Variants in SPSB4 observed in about 807,000 individuals in gnomAD.
SPSB4 encodes the protein SPRY domain-containing SOCS box protein 4.
Under a neutral mutation model 20.9 loss-of-function variants are expected in SPSB4, and 21 were observed. The observed-to-expected ratio is 1.01, with a 90% CI of 0.71 to 1.45. The LOEUF (loss-of-function observed/expected upper bound fraction) is 1.45. SPSB4 is among the 40% of genes most tolerant of loss of function. SPSB4 has a pLI of 0.00. For missense variants in SPSB4, 399 were observed against 399.2 expected (o/e 1.00, Z 0.00); for synonymous variants, 207 against 183.8 (o/e 1.13, Z -1.02).
chr3:141,075,347 G>A (rs991158142), intron 2 of SPSB4, among the ~76,000 whole-genome samples: 15 of 152,100 alleles, frequency 9.9e-5, no homozygotes, highest in Non-Finnish European at 2.1e-4. Flanking sequence ...TGTCCTGGCC[G>A]CCGCTCAGAC....
At chr3:141,060,226 T>C (rs957383698) in intron 1 of SPSB4, among the ~76,000 whole-genome samples, 1 of 152,132 alleles carries the variant, frequency 6.6e-6, no homozygotes, top group Non-Finnish European at 1.5e-5. Flanking sequence ...CAAGTACTAG[T>C]AAGAGGTCTT....
At chr3:141,058,060 C>T (rs893445554) in intron 1 of SPSB4, among the ~76,000 whole-genome samples, 7 of 152,268 alleles carry the variant, frequency 4.6e-5, no homozygotes, top group Admixed American at 2.6e-4. Flanking sequence ...CCAGCAAGTC[C>T]AAAGCCAGAG....
intron 1 of SPSB4, among the ~76,000 whole-genome samples, chr3:141,052,836 C>T (rs998718792): frequency 6.6e-6 from 1 of 152,190 alleles, no homozygotes; most frequent in African/African-American, 2.4e-5. Flanking sequence ...CCGCCCTGGT[C>T]GCTCTGTACG....
At chr3:141,071,237 T>A (rs1937996134) in intron 2 of SPSB4, among the ~76,000 whole-genome samples, 1 of 152,198 alleles carries the variant, frequency 6.6e-6, no homozygotes, top group African/African-American at 2.4e-5. Flanking sequence ...TTTCTGGAAT[T>A]GCTCCGTGGC....
At chr3:141,055,257 G>A (rs562581984) in intron 1 of SPSB4, among the ~76,000 whole-genome samples, 2 of 152,260 alleles carry the variant, frequency 1.3e-5, no homozygotes, top group South Asian at 2.1e-4. Context: ...GTAGTGGGCT[G>A]AGGGGCTGCC....
At chr3:141,093,198 T>G (rs558331383) in intron 2 of SPSB4, among the ~76,000 whole-genome samples, 72 of 152,140 alleles carry the variant, frequency 4.7e-4, no homozygotes, top group South Asian at 2.3e-3. Flanking sequence ...TGGTTCTCTT[T>G]CATAAGAGAG....
chr3:141,112,432 T>A (rs868712767), intron 2 of SPSB4, among the ~76,000 whole-genome samples: 23 of 150,774 alleles, frequency 1.5e-4, no homozygotes, highest in Middle Eastern at 3.4e-3. Flanking sequence ...GATCACGAGG[T>A]CAGGAGATCG....
At chr3:141,108,855 C>T (rs575183510) in intron 2 of SPSB4, among the ~76,000 whole-genome samples, 28 of 152,296 alleles carry the variant, frequency 1.8e-4, no homozygotes, top group African/African-American at 6.3e-4. Flanking sequence ...CCGAAAGCAG[C>T]ATTTCAGGGG....
intron 2 of SPSB4, among the ~76,000 whole-genome samples, chr3:141,121,221 A>G (rs1343120035): frequency 6.6e-6 from 1 of 152,168 alleles, no homozygotes; most frequent in African/African-American, 2.4e-5. Flanking sequence ...CTTTTCTTTA[A>G]GAATGTTGAA....
intron 2 of SPSB4, among the ~76,000 whole-genome samples, chr3:141,136,367 T>G (rs1309054561): frequency 3.3e-5 from 5 of 152,090 alleles, no homozygotes; most frequent in African/African-American, 4.8e-5. Flanking sequence ...GTCAATTTTG[T>G]CTTTTGTTGC....
At chr3:141,055,846 G>A (rs1559836214) in intron 1 of SPSB4, among the ~76,000 whole-genome samples, 1 of 152,188 alleles carries the variant, frequency 6.6e-6, no homozygotes, top group Non-Finnish European at 1.5e-5. Context: ...ATGGAAAGAG[G>A]TCAGCTGGCC....
intron 2 of SPSB4, among the ~76,000 whole-genome samples, chr3:141,097,750 C>T (rs1455735930): frequency 6.6e-6 from 1 of 151,878 alleles, no homozygotes; most frequent in Non-Finnish European, 1.5e-5. Context: ...TGTGGCTGGT[C>T]CCACAGAGCA....
At chr3:141,075,239 C>T (rs1938083825) in intron 2 of SPSB4, among the ~76,000 whole-genome samples, 1 of 151,724 alleles carries the variant, frequency 6.6e-6, no homozygotes, top group East Asian at 1.9e-4. Flanking sequence ...GAGGGGAGGC[C>T]TTGGAGCTTG....
At chr3:141,125,646 C>G (rs185832683) in intron 2 of SPSB4, among the ~76,000 whole-genome samples, 1 of 152,130 alleles carries the variant, frequency 6.6e-6, no homozygotes, top group Non-Finnish European at 1.5e-5. Flanking sequence ...GCCCAAGGTT[C>G]AGGGGGATGT....
intron 2 of SPSB4, chr3:141,132,112 T>A (rs2107804771): frequency 3.0e-6 from 1 of 331,910 alleles, no homozygotes; most frequent in East Asian, 1.3e-4. Flanking sequence ...CAATGTGTAG[T>A]CTTTTATCCC....
At position 141,138,135 on chromosome 3, in the gene SPSB4, G is replaced by A. The variant is rs543387300; in HGVS notation, c.695-9007G>A. Among the ~76,000 whole-genome samples the A allele has an allele frequency of 2.3e-3, 350 of 152,318 alleles. 1 individual carries two copies. Among genetic ancestry groups the A allele is most frequent in the African/African-American group, 8.2e-3 (339 of 41,564 alleles). On this transcript the variant is annotated intron_variant, in intron 2 of 2. Transcript: ENST00000310546. ...GTTTATTTTCATAGAGGTGTTTATA[G>A]TATTCTCTGATGGTAGCTTGTATTT...
chr3:141,103,088 A>G lies in SPSB4; in HGVS notation c.694+36290A>G, dbSNP rs1329071480. On this transcript the variant is annotated intron_variant, in intron 2 of 2. Transcript: ENST00000310546. ...GCTGTTTGATGTCTCTGTTTTCCCA[A>G]TACCTGATTGTTAACAACAGGGCTT... Among the ~76,000 whole-genome samples the G allele has an allele frequency of 3.3e-5, 5 of 152,196 alleles. No individual in the cohort carries two copies. In the South Asian group the frequency reaches 8.3e-4, roughly 25 times the overall value.
chr3:141,144,470 C>T (rs965146990), intron 2 of SPSB4, among the ~76,000 whole-genome samples: 23 of 152,288 alleles, frequency 1.5e-4, no homozygotes, highest in African/African-American at 5.5e-4. Flanking sequence ...TAAGAAAAGC[C>T]TCAAAGCCAG....
chr3:141,122,226 G>C (rs1287723570), intron 2 of SPSB4, among the ~76,000 whole-genome samples: 1 of 152,188 alleles, frequency 6.6e-6, no homozygotes, highest in Admixed American at 6.5e-5. Context: ...GACCCTGTTT[G>C]CCTGGGTATC....
Sources: gnomAD v4.1 joint callset for allele counts (sites outside exome capture counted in the v4.1 genomes callset) on GRCh38, gnomAD v4.1.1 for gene constraint, MANE v1.5 for transcripts, NCBI Gene and HGNC (gene_info 2026-07-23, HGNC 2026-07-21) for gene names.